Variants in HIBADH observed in about 807,000 individuals in gnomAD.
The protein encoded by HIBADH is 3-hydroxyisobutyrate dehydrogenase, mitochondrial.
HIBADH carries 25 observed loss-of-function variants against 36.1 expected under a neutral mutation model. The observed-to-expected ratio is 0.69, with a 90% CI of 0.50 to 0.97. The LOEUF is 0.97. HIBADH is among the 50% of genes least tolerant of loss of function. The pLI is 0.00. For missense variants in HIBADH, 421 were observed against 418.0 expected, an observed-to-expected ratio of 1.01 and a Z score of -0.06; for synonymous variants, 160 against 149.5, an observed-to-expected ratio of 1.07 and a Z score of -0.51.
At chr7:27,577,166 CTT>C (rs5883090) in intron 4 of HIBADH, among the ~76,000 whole-genome samples, 7 of 146,382 alleles carry the variant, frequency 4.8e-5, no homozygotes, top group African/African-American at 5.0e-5. Flanking sequence ...TCATTTCTCT[CTT>C]TTTTTTTTTT....
At chr7:27,619,311 G>C (rs1488795530) in intron 4 of HIBADH, among the ~76,000 whole-genome samples, 2 of 152,056 alleles carry the variant, frequency 1.3e-5, no homozygotes, top group Non-Finnish European at 2.9e-5. Flanking sequence ...TTAAGAAAAA[G>C]TCTTCCCCTA....
intron 1 of HIBADH, among the ~76,000 whole-genome samples, chr7:27,650,748 G>A (rs1786173898): frequency 6.7e-6 from 1 of 148,630 alleles, no homozygotes; most frequent in African/African-American, 2.5e-5. Context: ...AAACTACACA[G>A]GTTTTATTTA....
chr7:27,555,644 T>C (rs1420363630), intron 4 of HIBADH, among the ~76,000 whole-genome samples: 3 of 152,290 alleles, frequency 2.0e-5, no homozygotes, highest in African/African-American at 4.8e-5. Context: ...TACCCACTTA[T>C]GGCAGCATTT....
chr7:27,569,663 C>T (rs1308852869), intron 4 of HIBADH, among the ~76,000 whole-genome samples: 1 of 152,030 alleles, frequency 6.6e-6, no homozygotes, highest in Non-Finnish European at 1.5e-5. Flanking sequence ...CACTCTACTA[C>T]CCCACCTCCA....
chr7:27,560,329 G>A (rs1784446819), intron 4 of HIBADH, among the ~76,000 whole-genome samples: 1 of 152,178 alleles, frequency 6.6e-6, no homozygotes, highest in East Asian at 1.9e-4. Flanking sequence ...ATGTTGGCCA[G>A]GCTGGTCTTG....
intron 4 of HIBADH, among the ~76,000 whole-genome samples, chr7:27,626,397 T>C (rs942405742): frequency 2.0e-5 from 3 of 152,176 alleles, no homozygotes; most frequent in Non-Finnish European, 4.4e-5. Context: ...ATGATAAACA[T>C]AACAGTTTAA....
chr7:27,569,008 C>T (rs1784587936), intron 4 of HIBADH, among the ~76,000 whole-genome samples: 1 of 151,766 alleles, frequency 6.6e-6, no homozygotes, highest in Admixed American at 6.6e-5. Context: ...CAGGGGATCC[C>T]AAGGCTCTGT....
intron 4 of HIBADH, among the ~76,000 whole-genome samples, chr7:27,555,323 TAA>T (rs1554295721): frequency 7.0e-6 from 1 of 142,250 alleles, no homozygotes; most frequent in Non-Finnish European, 1.6e-5. Context: ...TTTTTTTTTT[TAA>T]ATAAAGACTA....
intron 4 of HIBADH, among the ~76,000 whole-genome samples, chr7:27,543,846 T>TAA (rs1784195364): frequency 6.8e-6 from 1 of 147,844 alleles, no homozygotes; most frequent in Non-Finnish European, 1.5e-5. Flanking sequence ...TAATGCATGT[T>TAA]CATTCATTCT....
chr7:27,630,552 T>C (rs969666168), intron 3 of HIBADH, among the ~76,000 whole-genome samples: 1 of 151,942 alleles, frequency 6.6e-6, no homozygotes, highest in Non-Finnish European at 1.5e-5. Context: ...AGAAAAATCA[T>C]TGATAAAAAC....
At chr7:27,600,265 T>C (rs547000669) in intron 4 of HIBADH, among the ~76,000 whole-genome samples, 1 of 105,554 alleles carries the variant, frequency 9.5e-6, no homozygotes, top group Non-Finnish European at 1.8e-5. Flanking sequence ...TGCATAAAGA[T>C]CAAGAATTGT....
chr7:27,603,528 T>G (rs142428696), intron 4 of HIBADH, among the ~76,000 whole-genome samples: 1 of 152,130 alleles, frequency 6.6e-6, no homozygotes, highest in African/African-American at 2.4e-5. Flanking sequence ...CTTGCCTATA[T>G]ATTTATAGAA....
At chr7:27,660,089 C>T (rs892584765) in intron 1 of HIBADH, among the ~76,000 whole-genome samples, 1 of 152,104 alleles carries the variant, frequency 6.6e-6, no homozygotes, top group African/African-American at 2.4e-5. Flanking sequence ...AAAAGATGTG[C>T]TACTAACCGG....
At chr7:27,612,948 AT>A (rs528119353) in intron 4 of HIBADH, among the ~76,000 whole-genome samples, 1,456 of 140,210 alleles carry the variant, frequency 0.01, 23 homozygotes, top group African/African-American at 0.036. Flanking sequence ...CTCCAAAAAA[AT>A]ATATATATAT....
rs1284861178 is a variant in HIBADH, at chr7:27,641,790, C to T, written c.252+7683G>A. On this transcript the variant is annotated intron_variant, in intron 2 of 7. Coordinates refer to ENST00000265395, the MANE Select transcript of HIBADH (RefSeq NM_152740.4). ...ATTTATCAACAAATGCTTTCATTTT[C>T]TGTTGCCCTCAGGACCAAAGCTTTT... is the stretch of plus-strand genomic sequence containing the variant. 3.3e-5 allele frequency among the ~76,000 whole-genome samples: 5 copies of T among 150,374 alleles called. No individual in the cohort carries two copies. The East Asian group carries it at 9.6e-4, about 29-fold the overall frequency.
intron 4 of HIBADH, among the ~76,000 whole-genome samples, chr7:27,554,378 G>A (rs1375752827): frequency 2.6e-5 from 4 of 152,214 alleles, no homozygotes; most frequent in East Asian, 1.9e-4. Flanking sequence ...TAGGCAACAC[G>A]TGGTTTGTAA....
chr7:27,613,175 A>T (rs62454873), intron 4 of HIBADH, among the ~76,000 whole-genome samples: 5 of 9,466 alleles, frequency 5.3e-4, no homozygotes, highest in Non-Finnish European at 8.1e-4. Context: ...ATTTATATAA[A>T]TATATTTATA....
chr7:27,597,040 T>G (rs758804199), intron 4 of HIBADH, among the ~76,000 whole-genome samples: 2 of 151,800 alleles, frequency 1.3e-5, no homozygotes, highest in Non-Finnish European at 2.9e-5. Context: ...AAGGAAAAAG[T>G]AGATGTAGAG....
intron 4 of HIBADH, among the ~76,000 whole-genome samples, chr7:27,553,027 CATCTT>C (rs1036885920): frequency 6.6e-6 from 1 of 152,080 alleles, no homozygotes; most frequent in Non-Finnish European, 1.5e-5. Flanking sequence ...GATTGTGAAA[CATCTT>C]AATAAAGCTA....
Sources: gnomAD v4.1 joint callset for allele counts (sites outside exome capture counted in the v4.1 genomes callset) on GRCh38, gnomAD v4.1.1 for gene constraint, MANE v1.5 for transcripts, NCBI Gene and HGNC (gene_info 2026-07-23, HGNC 2026-07-21) for gene names.